Variants in LRRC56 observed in about 807,000 individuals in gnomAD.
The protein encoded by LRRC56 is leucine-rich repeat-containing protein 56.
Under a neutral mutation model 47.8 loss-of-function variants are expected in LRRC56, and 41 were observed. The observed-to-expected ratio is 0.86, with a 90% CI of 0.67 to 1.11. LRRC56 has a LOEUF of 1.11. Ranked by LOEUF, LRRC56 falls within the 50% of genes most tolerant of loss-of-function variation. The pLI is 0.00. For synonymous variants in LRRC56, 387 were observed against 311.2 expected (o/e 1.24, Z -2.56); for missense variants, 759 against 704.2 (o/e 1.08, Z -0.88).
At chr11:528,657 C>T in the LRRC56 span, 4 of 152,218 alleles carry the variant, frequency 2.6e-5, no homozygotes, top group African/African-American at 7.2e-5. Flanking sequence ...CTCTGACGAT[C>T]GTCTCGAGCC....
At chr11:532,413 T>C in the LRRC56 span, 5 of 650,480 alleles carry the variant, frequency 7.7e-6, no homozygotes, top group South Asian at 5.6e-5. Context: ...GGTCCCGGGG[T>C]GACTGGGCTC....
the LRRC56 span, among the ~76,000 whole-genome samples, chr11:531,801 T>G: frequency 6.6e-6 from 1 of 152,180 alleles, no homozygotes; most frequent in Non-Finnish European, 1.5e-5. Flanking sequence ...CGAAGAAAAC[T>G]GGGCATGTGA....
chr11:531,201 GC>G, the LRRC56 span, among the ~76,000 whole-genome samples: 3 of 151,944 alleles, frequency 2.0e-5, no homozygotes, highest in African/African-American at 7.3e-5. Flanking sequence ...GGAGAGAAGG[GC>G]GAGTGTGGTA....
chr11:511,350 C>T, the LRRC56 span, among the ~76,000 whole-genome samples: 2 of 149,796 alleles, frequency 1.3e-5, no homozygotes, highest in African/African-American at 4.9e-5. Context: ...AATGGGAAAA[C>T]ATTGAGGATG....
upstream of LRRC56, chr11:533,968 A>AC: frequency 1.9e-6 from 3 of 1,605,416 alleles, no homozygotes; most frequent in Non-Finnish European, 2.5e-6. Context: ...GGGCTCAGGG[A>AC]CCCCCTCAGG....
chr11:546,227 C>G (rs1852071837), intron 6 of LRRC56, among the ~76,000 whole-genome samples: 1 of 151,610 alleles, frequency 6.6e-6, no homozygotes, highest in African/African-American at 2.4e-5. Flanking sequence ...GAGCTGAGAT[C>G]ACACCACTAC....
chr11:509,367 C>T, the LRRC56 span, among the ~76,000 whole-genome samples: 7 of 152,158 alleles, frequency 4.6e-5, no homozygotes, highest in Non-Finnish European at 8.8e-5. Context: ...TAGATTTGTT[C>T]GTGGCAATTC....
chr11:511,316 G>A, the LRRC56 span, among the ~76,000 whole-genome samples: 34 of 133,936 alleles, frequency 2.5e-4, no homozygotes, highest in Admixed American at 4.1e-4. Flanking sequence ...GCTAGACTCC[G>A]TCTCAAAAAA....
chr11:511,106 G>A, the LRRC56 span, among the ~76,000 whole-genome samples: 1 of 152,036 alleles, frequency 6.6e-6, no homozygotes. Flanking sequence ...CGGATCACAA[G>A]GTCAGGAGAT....
intron 1 of LRRC56, among the ~76,000 whole-genome samples, chr11:538,157 T>C (rs530946570): frequency 1.3e-5 from 2 of 152,188 alleles, no homozygotes; most frequent in East Asian, 3.9e-4. Flanking sequence ...ATGGGGTCTT[T>C]GGATCCCACA....
chr11:548,574 C>A (rs1475630188), intron 6 of LRRC56, among the ~76,000 whole-genome samples: 2 of 152,352 alleles, frequency 1.3e-5, no homozygotes, highest in East Asian at 3.9e-4. Flanking sequence ...TCTCCTGCCT[C>A]AGCCTCCCAA....
chr11:512,742 G>A, the LRRC56 span, among the ~76,000 whole-genome samples: 1 of 152,170 alleles, frequency 6.6e-6, no homozygotes, highest in African/African-American at 2.4e-5. Context: ...TACTATATGA[G>A]TGGTATCCAT....
Position 553,995 on chromosome 11 carries a change from C to T in LRRC56, c.1348C>T (p.Pro450Ser). The change falls in exon 14 of 14, where the codon CCT becomes TCT. Residue 450 changes from proline (P) to serine (S), a missense_variant. By Grantham distance (74) the Pro-to-Ser change is moderately conservative. Transcript: ENST00000270115. ...CGGGACCTCGAGCCAGCACCTGGTC[C>T]CTTCACCTCCCAAGCACCCAAGGCC... ...PSGTSSQHLVPSPPKHPRPRD... is the reference protein window; with the variant it reads ...PSGTSSQHLVSSPPKHPRPRD... The T allele has an allele frequency of 6.2e-7, 1 of 1,612,290 alleles. No homozygotes were observed. Among genetic ancestry groups the T allele is most frequent in the Non-Finnish European group, 8.5e-7 (1 of 1,179,746 alleles).
In LRRC56 at chr11:549,949, G is replaced by A. The variant is rs371135949; in HGVS notation, c.374G>A (p.Arg125His). Residue 125 changes from arginine to histidine, a missense_variant, in exon 7 of 14, where the codon CGC becomes CAC. Coordinates refer to ENST00000270115, the MANE Select transcript of LRRC56 (RefSeq NM_198075.4). ...LGHLQVLWLA[R>H]CGLADLDGIA... ...CACCTGCAGGTGCTGTGGCTGGCTC[G>A]CTGTGGCCTCGCTGACCTGGATGGC... 5.0e-5 allele frequency: 81 copies of A among 1,612,798 alleles called. No homozygotes were observed. The East Asian group carries it at 7.1e-4, about 14-fold the overall frequency.
At chr11:524,676 G>T in the LRRC56 span, among the ~76,000 whole-genome samples, 2 of 151,992 alleles carry the variant, frequency 1.3e-5, no homozygotes, top group East Asian at 3.9e-4. Context: ...AAAGAGAAAG[G>T]AAAATCTTTT....
rs745519637 is a variant in LRRC56, at chr11:550,122, G to A, written c.474G>A (p.Leu158=). 1.2e-6 allele frequency: 2 copies of A among 1,613,552 alleles called. No individual in the cohort carries two copies. Among genetic ancestry groups the A allele is most frequent in the Non-Finnish European group, 1.7e-6 (2 of 1,179,884 alleles). ...NNISDLSPLC[L]LEQLEVLDLE... is the part of the protein sequence containing the mutation. ...TCTCGGACCTGAGCCCACTGTGCCT[G>A]CTGGAACAATTGGAGGTGCTGGACC... The change falls in exon 8 of 14, where the codon CTG becomes CTA. Residue 158 remains leucine (L), a synonymous_variant. Coordinates refer to ENST00000270115, the MANE Select transcript of LRRC56 (RefSeq NM_198075.4).
At chr11:534,019 G>T (rs2133992732), upstream of LRRC56, 1 of 1,502,896 alleles carries the variant, frequency 6.7e-7, no homozygotes, top group East Asian at 2.3e-5. Context: ...CCTCTCCCTG[G>T]TACCTCTCAT....
intron 6 of LRRC56, among the ~76,000 whole-genome samples, chr11:545,276 G>T (rs12421239): frequency 0.24 from 35,984 of 152,230 alleles, 4,642 homozygotes; most frequent in African/African-American, 0.32. Flanking sequence ...TGGGCCCAGA[G>T]CTCCCACCTT....
chr11:550,167 G>C lies in LRRC56; in HGVS notation c.519G>C (p.Glu173Asp), dbSNP rs750175983. ...EVLDLEGNSVEDLGQVRYLQL... is the reference protein window; with the variant it reads ...EVLDLEGNSVDDLGQVRYLQL... ...TGGACCTGGAGGGCAACAGCGTGGA[G>C]GACCTGGGGCAGGTGCGCTACTTGC... The change falls in exon 8 of 14, where the codon GAG becomes GAC. Residue 173 changes from glutamate (E) to aspartate (D), a missense_variant. Glu to Asp is a conservative substitution (Grantham distance 45). Transcript: ENST00000270115. 1 of 1,613,306 alleles carries C rather than the reference G, an allele frequency of 6.2e-7. No homozygotes were observed. Among genetic ancestry groups the C allele is most frequent in the Non-Finnish European group, 8.5e-7 (1 of 1,179,854 alleles).
Sources: gnomAD v4.1 joint callset for allele counts (sites outside exome capture counted in the v4.1 genomes callset) on GRCh38, gnomAD v4.1.1 for gene constraint, MANE v1.5 for transcripts, NCBI Gene and HGNC (gene_info 2026-07-23, HGNC 2026-07-21) for gene names.